The following UBE2E1 variants were observed in gnomAD, a reference collection of about 807,000 sequenced individuals.
UBE2E1 encodes ubiquitin conjugating enzyme E2 E1, also known as ubiquitin-conjugating enzyme E2 E1.
UBE2E1 carries 6 observed loss-of-function variants against 21.4 expected under a neutral mutation model. The observed-to-expected ratio is 0.28, with a 90% CI of 0.15 to 0.55. The LOEUF (loss-of-function observed/expected upper bound fraction) is 0.55. UBE2E1 is among the 20% of genes least tolerant of loss of function. The pLI, the probability that UBE2E1 is intolerant of heterozygous loss-of-function variation, is 0.93. For missense variants in UBE2E1, 142 were observed against 236.5 expected (o/e 0.60, Z 2.62); for synonymous variants, 87 against 82.7 (o/e 1.05, Z -0.28).
intron 3 of UBE2E1, among the ~76,000 whole-genome samples, chr3:23,871,486 C>G (rs560839412): frequency 1.3e-4 from 20 of 151,522 alleles, no homozygotes; most frequent in African/African-American, 4.6e-4. Flanking sequence ...CCTCACCTCC[C>G]GGACGGGGCG....
At chr3:23,848,453 G>A (rs1481914209) in intron 3 of UBE2E1, among the ~76,000 whole-genome samples, 3 of 148,948 alleles carry the variant, frequency 2.0e-5, no homozygotes, top group African/African-American at 5.0e-5. Context: ...CTGCGTAGCA[G>A]AGTGAGACTC....
At chr3:23,843,415 A>G (rs1232385646) in intron 3 of UBE2E1, among the ~76,000 whole-genome samples, 2 of 152,218 alleles carry the variant, frequency 1.3e-5, no homozygotes, top group Non-Finnish European at 2.9e-5. Context: ...ATGATAATAT[A>G]GATTTTCTCA....
chr3:23,860,898 T>A (rs1700541978), intron 3 of UBE2E1, among the ~76,000 whole-genome samples: 1 of 152,194 alleles, frequency 6.6e-6, no homozygotes, highest in South Asian at 2.1e-4. Context: ...AGGTACATGA[T>A]TTGATTGTTT....
chr3:23,838,549 C>CAGTG (rs1253981197), intron 3 of UBE2E1, among the ~76,000 whole-genome samples: 5 of 152,068 alleles, frequency 3.3e-5, no homozygotes, highest in African/African-American at 1.2e-4. Flanking sequence ...GGCCGGAGTG[C>CAGTG]AGTGGCCTGA....
At chr3:23,864,675 T>C (rs967741543) in intron 3 of UBE2E1, among the ~76,000 whole-genome samples, 1 of 152,248 alleles carries the variant, frequency 6.6e-6, no homozygotes, top group Non-Finnish European at 1.5e-5. Flanking sequence ...ATTCTCCCTA[T>C]AATTTCTGTT....
chr3:23,819,476 A>G (rs1699599642), intron 3 of UBE2E1, among the ~76,000 whole-genome samples: 1 of 152,128 alleles, frequency 6.6e-6, no homozygotes, highest in African/African-American at 2.4e-5. Flanking sequence ...CACTCTAGGT[A>G]TTTGTATAGA....
chr3:23,874,186 G>A (rs760016361), intron 3 of UBE2E1, among the ~76,000 whole-genome samples: 10 of 152,210 alleles, frequency 6.6e-5, no homozygotes, highest in Non-Finnish European at 1.3e-4. Context: ...CGTAATCAAA[G>A]ATGTGTGCCA....
Position 23,869,724 on chromosome 3 carries a change from CAAAAAAAAAA to C in UBE2E1, c.204-17824_204-17815del, listed in dbSNP as rs5847258. Among the ~76,000 whole-genome samples the C allele has an allele frequency of 6.4e-3, 492 of 76,920 alleles. 13 individuals are homozygous for C. In the East Asian group the frequency reaches 0.083, roughly 13 times the overall value. The allele number at this position is 76,920 out of a possible 152,430, so 50.5% of individuals were successfully genotyped here. On this transcript the variant is annotated intron_variant, in intron 3 of 5. Transcript: ENST00000306627. ...CAGGCAATATAGTGAGACCCTGTGT[CAAAAAAAAAA>C]AAAAAAAAAAAAAAAAAAGATGTCT...
At chr3:23,807,475 C>T in intron 2 of UBE2E1, 54 bp downstream of exon 2, 1 of 1,586,910 alleles carries the variant, frequency 6.3e-7, no homozygotes, top group African/African-American at 1.4e-5. Context: ...CTGCCTCTTG[C>T]TGCATTTGGT....
chr3:23,824,697 C>G (rs551724141), intron 3 of UBE2E1, among the ~76,000 whole-genome samples: 1 of 152,176 alleles, frequency 6.6e-6, no homozygotes, highest in Non-Finnish European at 1.5e-5. Context: ...CTCAGTATAC[C>G]TAATAACAGT....
chr3:23,851,961 T>C (rs1056453142), intron 3 of UBE2E1, among the ~76,000 whole-genome samples: 10 of 152,174 alleles, frequency 6.6e-5, no homozygotes, highest in Non-Finnish European at 1.3e-4. Flanking sequence ...CTCACGGTAA[T>C]GAGTGAGTTT....
chr3:23,857,001 T>TAAAAA (rs34840201), intron 3 of UBE2E1, among the ~76,000 whole-genome samples: 1 of 129,830 alleles, frequency 7.7e-6, no homozygotes, highest in South Asian at 2.6e-4. Flanking sequence ...GGCTGTCTCT[T>TAAAAA]AAAAAAAAAA....
chr3:23,879,825 C>T (rs1700997136), intron 3 of UBE2E1, among the ~76,000 whole-genome samples: 1 of 152,208 alleles, frequency 6.6e-6, no homozygotes, highest in Non-Finnish European at 1.5e-5. Flanking sequence ...GGTATGACAG[C>T]AGATAACTAA....
At chr3:23,817,597 A>G (rs1002944478) in intron 3 of UBE2E1, among the ~76,000 whole-genome samples, 50 of 152,210 alleles carry the variant, frequency 3.3e-4, no homozygotes, top group African/African-American at 1.1e-3. Context: ...GGAGTGAGAG[A>G]TTACTTTGAC....
At position 23,887,371 on chromosome 3, in the gene UBE2E1, C is replaced by G; in HGVS notation, c.204-196C>G. Among the ~76,000 whole-genome samples, 1 of 152,166 alleles carries G rather than the reference C, an allele frequency of 6.6e-6. No homozygotes were observed. The highest frequency in any genetic ancestry group is 6.5e-5 in the Admixed American group (1 of 15,282). On this transcript the variant is annotated intron_variant, in intron 3 of 5. Coordinates refer to ENST00000306627, the MANE Select transcript of UBE2E1 (RefSeq NM_003341.5). The surrounding 1 kb of genome is among the most constrained non-coding windows in gnomAD (Gnocchi z 4.4). Reference sequence around the variant, plus strand: ...GTAGGCTTAGAATGGTTTTAACATTCTTTTATCATCCAGTTTGCTTGACCA... The same window carrying G: ...GTAGGCTTAGAATGGTTTTAACATTGTTTTATCATCCAGTTTGCTTGACCA...
chr3:23,874,566 A>G (rs1325483766), intron 3 of UBE2E1, among the ~76,000 whole-genome samples: 2 of 152,164 alleles, frequency 1.3e-5, no homozygotes, highest in Admixed American at 6.5e-5. Flanking sequence ...GATTCCAGAC[A>G]CCCAAGCTCT....
chr3:23,872,338 G>A (rs910285496), intron 3 of UBE2E1, among the ~76,000 whole-genome samples: 1 of 151,962 alleles, frequency 6.6e-6, no homozygotes, highest in African/African-American at 2.4e-5. Context: ...GTCCAGCTTC[G>A]GCTCGGCATC....
chr3:23,810,440 T>G lies in UBE2E1; in HGVS notation c.153-1020T>G, dbSNP rs1447407297. ...GTGCGGAGGGAGAAAACTGCAGGTC[T>G]CCAGTCTATCCCCAGTGTGAGCTAG... On this transcript the variant is annotated intron_variant, in intron 2 of 5. Coordinates refer to ENST00000306627, the MANE Select transcript of UBE2E1 (RefSeq NM_003341.5). This position sits in a 1 kb window ranked among gnomAD's most constrained non-coding sequence, Gnocchi z 5.8. The G allele has an allele frequency of 6.5e-7, 1 of 1,535,386 alleles. No homozygotes were observed. Among genetic ancestry groups the G allele is most frequent in the Non-Finnish European group, 8.7e-7 (1 of 1,146,444 alleles).
At chr3:23,886,626 A>T (rs568701827) in intron 3 of UBE2E1, among the ~76,000 whole-genome samples, 1 of 152,318 alleles carries the variant, frequency 6.6e-6, no homozygotes, top group East Asian at 1.9e-4. Context: ...GCCCATGGGT[A>T]GGCTTTTTAT....
Sources: gnomAD v4.1 joint callset for allele counts (sites outside exome capture counted in the v4.1 genomes callset) on GRCh38, gnomAD v4.1.1 for gene constraint, Gnocchi (gnomAD v3.1) non-coding constraint, MANE v1.5 for transcripts, NCBI Gene and HGNC (gene_info 2026-07-23, HGNC 2026-07-21) for gene names.